Variants in CPNE4 observed in about 807,000 individuals in gnomAD.
CPNE4 encodes the protein copine 4.
In CPNE4, 25 loss-of-function variants were observed where a neutral mutation model predicts 67.9. The observed-to-expected ratio is 0.37, with a 90% confidence interval of 0.27 to 0.51. The LOEUF (loss-of-function observed/expected upper bound fraction) is 0.51, where lower values mean the gene tolerates loss of function less well. CPNE4 is among the 20% of genes least tolerant of loss of function. CPNE4 has a pLI of 0.93. For missense variants in CPNE4, 464 were observed against 690.8 expected, an observed-to-expected ratio of 0.67 and a Z score of 3.68; for synonymous variants, 242 against 244.9, an observed-to-expected ratio of 0.99 and a Z score of 0.11.
intron 1 of CPNE4, among the ~76,000 whole-genome samples, chr3:132,030,070 A>G (rs2074205065): frequency 6.6e-6 from 1 of 151,788 alleles, no homozygotes; most frequent in Non-Finnish European, 1.5e-5. Flanking sequence ...GCAATGTAAT[A>G]AGTCCCAAGC....
intron 2 of CPNE4, among the ~76,000 whole-genome samples, chr3:131,810,725 T>C (rs1011150406): frequency 1.3e-5 from 2 of 152,110 alleles, no homozygotes; most frequent in Non-Finnish European, 2.9e-5. Flanking sequence ...GGAAGAAATA[T>C]CTGCACTGCC....
chr3:131,974,913 G>A (rs566701194), intron 1 of CPNE4, among the ~76,000 whole-genome samples: 2 of 152,030 alleles, frequency 1.3e-5, no homozygotes, highest in Non-Finnish European at 2.9e-5. Context: ...GAGGCTGAGG[G>A]GGGAGGATGG....
rs1467750829 is a variant in CPNE4 at position 131,744,607 on chromosome 3, A to T, written c.181-20982T>A. ...CTCTCTATGCCTTCACCTACTTCTA[A>T]ACTGCTGGCATCCATTAATGTGTTC... is the stretch of plus-strand genomic sequence containing the variant. On this transcript the variant is annotated intron_variant, in intron 2 of 15. Coordinates refer to ENST00000429747, the MANE Select transcript of CPNE4 (RefSeq NM_130808.3). Among the ~76,000 whole-genome samples, 6 of 152,290 alleles carry T rather than the reference A, an allele frequency of 3.9e-5. No individual in the cohort carries two copies. The East Asian group carries it at 1.2e-3, about 29-fold the overall frequency.
chr3:131,665,382 A>G (rs2080231904), intron 7 of CPNE4, among the ~76,000 whole-genome samples: 1 of 152,112 alleles, frequency 6.6e-6, no homozygotes, highest in African/African-American at 2.4e-5. Flanking sequence ...ATATTTGGAA[A>G]AAAACATGCT....
chr3:131,723,722 C>T (rs1433141363), intron 2 of CPNE4, 97 bp from the exon 3 acceptor site: 14 of 1,096,674 alleles, frequency 1.3e-5, no homozygotes, highest in Non-Finnish European at 1.8e-5. Context: ...TCTTCCCAAC[C>T]ATAAATGCTC....
intron 7 of CPNE4, among the ~76,000 whole-genome samples, chr3:131,629,166 C>T (rs932291506): frequency 3.9e-5 from 6 of 152,210 alleles, no homozygotes; most frequent in Middle Eastern, 3.4e-3. Flanking sequence ...TTCACTATCA[C>T]GAGAATAGCA....
At chr3:132,003,529 G>T (rs1161933248) in intron 1 of CPNE4, among the ~76,000 whole-genome samples, 1 of 151,728 alleles carries the variant, frequency 6.6e-6, no homozygotes, top group Non-Finnish European at 1.5e-5. Flanking sequence ...GACAGCTGAG[G>T]GCCCTTCTCT....
chr3:131,991,681 T>G (rs575589180), intron 1 of CPNE4, among the ~76,000 whole-genome samples: 5 of 135,952 alleles, frequency 3.7e-5, no homozygotes, highest in African/African-American at 1.2e-4. Flanking sequence ...TTTGAGTAAG[T>G]AATCACCAAG....
chr3:131,974,325 T>C (rs1437586879), intron 1 of CPNE4, among the ~76,000 whole-genome samples: 1 of 152,220 alleles, frequency 6.6e-6, no homozygotes, highest in Admixed American at 6.5e-5. Context: ...CCTGCATCTA[T>C]ACACACATGT....
At chr3:131,665,099 C>T (rs937974514) in intron 7 of CPNE4, among the ~76,000 whole-genome samples, 2 of 152,116 alleles carry the variant, frequency 1.3e-5, no homozygotes, top group Admixed American at 6.6e-5. Flanking sequence ...CATTGGCTCA[C>T]GCATGTAATC....
chr3:132,025,087 C>T (rs2074088558), intron 1 of CPNE4, among the ~76,000 whole-genome samples: 1 of 152,160 alleles, frequency 6.6e-6, no homozygotes, highest in African/African-American at 2.4e-5. Flanking sequence ...ACAAGCCCTC[C>T]AGGAGATTCG....
At chr3:132,033,778 C>G (rs1260741126) in intron 1 of CPNE4, among the ~76,000 whole-genome samples, 2 of 152,212 alleles carry the variant, frequency 1.3e-5, no homozygotes, top group East Asian at 3.9e-4. Context: ...AATCAGCACT[C>G]GCTTGACTTG....
intron 3 of CPNE4, among the ~76,000 whole-genome samples, chr3:131,702,773 TCTTAA>T (rs1482103804): frequency 1.8e-4 from 27 of 152,310 alleles, no homozygotes; most frequent in Middle Eastern, 3.4e-3. Context: ...CTCTCCTCAC[TCTTAA>T]CTTATCTAGA....
intron 10 of CPNE4, among the ~76,000 whole-genome samples, chr3:131,565,922 C>G (rs1937032871): frequency 6.6e-6 from 1 of 151,702 alleles, no homozygotes; most frequent in East Asian, 1.9e-4. Flanking sequence ...GAAATAATCT[C>G]TGTGTCAGGC....
At chr3:131,899,872 C>T (rs1432833940) in intron 2 of CPNE4, among the ~76,000 whole-genome samples, 2 of 152,026 alleles carry the variant, frequency 1.3e-5, no homozygotes, top group Admixed American at 6.6e-5. Context: ...GGTGCTGGCC[C>T]ACTATTATCC....
chr3:131,772,948 C>T (rs966775136), intron 2 of CPNE4, among the ~76,000 whole-genome samples: 1 of 152,060 alleles, frequency 6.6e-6, no homozygotes, highest in Admixed American at 6.6e-5. Flanking sequence ...GAAGTGATCA[C>T]GAATCCAAAA....
chr3:131,740,126 G>A (rs2107777101), intron 2 of CPNE4, among the ~76,000 whole-genome samples: 1 of 152,278 alleles, frequency 6.6e-6, no homozygotes, highest in South Asian at 2.1e-4. Flanking sequence ...GGGATATAAG[G>A]CACTAAGGCT....
In CPNE4 at chr3:131,815,261, T is replaced by C. The variant is rs370260470; in HGVS notation, c.180+90003A>G. Among the ~76,000 whole-genome samples the C allele has an allele frequency of 1.1e-4, 17 of 152,280 alleles. 1 individual carries two copies. The highest frequency in any genetic ancestry group is 4.1e-4 in the African/African-American group (17 of 41,560). On this transcript the variant is annotated intron_variant, in intron 2 of 15. Transcript: ENST00000429747. ...TGAGATCAAAAAATTGGAAAACTGATATTATAAATAAAGTGAAAAAGAAAG... is the reference window on the plus strand; with the variant it reads ...TGAGATCAAAAAATTGGAAAACTGACATTATAAATAAAGTGAAAAAGAAAG...
intron 4 of CPNE4, among the ~76,000 whole-genome samples, chr3:131,697,054 T>G (rs2081172258): frequency 6.6e-6 from 1 of 152,194 alleles, no homozygotes; most frequent in Non-Finnish European, 1.5e-5. Context: ...TTATGTCAAA[T>G]TTTTCTAATT....
Sources: gnomAD v4.1 joint callset for allele counts (sites outside exome capture counted in the v4.1 genomes callset) on GRCh38, gnomAD v4.1.1 for gene constraint, MANE v1.5 for transcripts, NCBI Gene and HGNC (gene_info 2026-07-23, HGNC 2026-07-21) for gene names.